R3HDM4: variants seen among roughly 807,000 people sequenced by gnomAD.
R3HDM4 encodes R3H domain-containing protein 4.
In R3HDM4, 30 loss-of-function variants were observed where a neutral mutation model predicts 31.3. The observed-to-expected ratio is 0.96, with a 90% CI of 0.72 to 1.30. R3HDM4 has a LOEUF of 1.30. R3HDM4 is among the 50% of genes most tolerant of loss of function. The pLI is 0.00. For missense variants in R3HDM4, 444 were observed against 366.1 expected, an observed-to-expected ratio of 1.21 and a Z score of -1.74; for synonymous variants, 196 against 156.6, an observed-to-expected ratio of 1.25 and a Z score of -1.88.
chr19:902,211 G>T, intron 1 of R3HDM4, 81 bp from the exon 2 acceptor site: 1 of 1,520,596 alleles, frequency 6.6e-7, no homozygotes, highest in Non-Finnish European at 9.0e-7. Context: ...GCCATGGCCC[G>T]CTTGGTTTCC....
At chr19:911,694 C>G (rs1295536447) in intron 1 of R3HDM4, among the ~76,000 whole-genome samples, 1 of 152,192 alleles carries the variant, frequency 6.6e-6, no homozygotes, top group Non-Finnish European at 1.5e-5. Context: ...CCTCCTCGCC[C>G]TCCACCAACA....
chr19:905,340 A>G (rs1399470918), intron 1 of R3HDM4, among the ~76,000 whole-genome samples: 6 of 151,790 alleles, frequency 4.0e-5, no homozygotes, highest in Non-Finnish European at 8.8e-5. Flanking sequence ...TTTAGTCTCT[A>G]CTAAAAATAC....
At chr19:905,684 C>CAAAAAA (rs35211343) in intron 1 of R3HDM4, among the ~76,000 whole-genome samples, 1 of 66,316 alleles carries the variant, frequency 1.5e-5, no homozygotes. Flanking sequence ...GACTCTGTCT[C>CAAAAAA]AAAAAAAAAA....
At chr19:898,273 CG>C (rs2036768984) in intron 7 of R3HDM4, among the ~76,000 whole-genome samples, 1 of 149,520 alleles carries the variant, frequency 6.7e-6, no homozygotes, top group African/African-American at 2.4e-5. Flanking sequence ...GGCGTGGTGG[CG>C]GGCACCTGTA....
chr19:908,972 A>G (rs1175296217), intron 1 of R3HDM4, among the ~76,000 whole-genome samples: 1 of 152,208 alleles, frequency 6.6e-6, no homozygotes, highest in Admixed American at 6.5e-5. Flanking sequence ...ATGAAGAACT[A>G]AACTTCTGTT....
intron 7 of R3HDM4, among the ~76,000 whole-genome samples, chr19:898,226 A>G (rs2036766910): frequency 7.8e-6 from 1 of 128,312 alleles, no homozygotes; most frequent in East Asian, 2.1e-4. Flanking sequence ...TACTAAAAAA[A>G]AAAATATATA....
intron 1 of R3HDM4, among the ~76,000 whole-genome samples, chr19:908,496 G>C (rs968567440): frequency 2.0e-5 from 3 of 151,936 alleles, no homozygotes; most frequent in Non-Finnish European, 4.4e-5. Flanking sequence ...TGTGGTCCCA[G>C]CTACTCAGGA....
rs975908517 is a variant in R3HDM4 at position 907,965 on chromosome 19, C to CG, written c.71+5121dup. On this transcript the variant is annotated intron_variant, in intron 1 of 7. Transcript: ENST00000361574. This position sits in a 1 kb window ranked among gnomAD's most constrained non-coding sequence, Gnocchi z 4.1. ...ATCCCAGCACTTTGGGAGGCCGAGG[C>CG]GGGCGGATCATGAGGTCAAGAGATG... 2.0e-5 allele frequency among the ~76,000 whole-genome samples: 3 copies of CG among 152,110 alleles called. No homozygotes were observed. The highest frequency in any genetic ancestry group is 7.2e-5 in the African/African-American group (3 of 41,426).
chr19:898,219 T>TAAA (rs546504389), intron 7 of R3HDM4, among the ~76,000 whole-genome samples: 15,055 of 135,746 alleles, frequency 0.11, 1,030 homozygotes, highest in Middle Eastern at 0.22. Context: ...CTGTCTCTAC[T>TAAA]AAAAAAAAAA....
chr19:909,603 C>A (rs554826214), intron 1 of R3HDM4, among the ~76,000 whole-genome samples: 48 of 152,000 alleles, frequency 3.2e-4, no homozygotes, highest in African/African-American at 1.1e-3. Context: ...TGAGACCAGC[C>A]TGACCAACAT....
Position 899,152 on chromosome 19 carries a change from G to A in R3HDM4, c.703+288C>T, listed in dbSNP as rs1288938758. ...GCTCTGGGAGGTCCCTCAAATCCAG[G>A]CTTCATCACCCCCACCCCGGGCCCC... On this transcript the variant is annotated intron_variant, in intron 7 of 7. Transcript: ENST00000361574. The surrounding 1 kb of genome is among the most constrained non-coding windows in gnomAD (Gnocchi z 6.8). Among the ~76,000 whole-genome samples, 4 of 152,002 alleles carry A rather than the reference G, an allele frequency of 2.6e-5. No individual in the cohort carries two copies. The highest frequency in any genetic ancestry group is 2.6e-4 in the Admixed American group (4 of 15,262).
At chr19:901,860 G>T in intron 2 of R3HDM4, 116 bp downstream of exon 2, 1 of 1,140,958 alleles carries the variant, frequency 8.8e-7, no homozygotes, top group Non-Finnish European at 1.2e-6. Context: ...ACACCTCTTT[G>T]GGTCCCCAGC....
chr19:913,177 C>G lies in R3HDM4; in HGVS notation c.-20G>C. The G allele has an allele frequency of 9.4e-7, 1 of 1,060,694 alleles. No individual in the cohort carries two copies. The highest frequency in any genetic ancestry group is 7.4e-5 in the East Asian group (1 of 13,532). 65.7% of individuals were successfully genotyped at this position (1,060,694 alleles called of 1,614,324 possible). Reference sequence around the variant, plus strand: ...GACCATGGCTCGCACGCTGTCGCCGCCGCCGCCGCCCGGCAGGGCCTTCAC... The same window carrying G: ...GACCATGGCTCGCACGCTGTCGCCGGCGCCGCCGCCCGGCAGGGCCTTCAC... On this transcript the variant is annotated 5_prime_UTR_variant, in exon 1 of 8. Transcript: ENST00000361574. The surrounding 1 kb of genome is among the most constrained non-coding windows in gnomAD (Gnocchi z 5.0).
chr19:901,878 A>C, intron 2 of R3HDM4, 98 bp downstream of exon 2: 1 of 1,341,244 alleles, frequency 7.5e-7, no homozygotes, highest in Non-Finnish European at 1.0e-6. Context: ...AGCCCCACCC[A>C]GGCACAGCTC....
Position 907,105 on chromosome 19 carries a change from A to C in R3HDM4, c.72-4975T>G, listed in dbSNP as rs914983634. On this transcript the variant is annotated intron_variant, in intron 1 of 7. Coordinates refer to ENST00000361574, the MANE Select transcript of R3HDM4 (RefSeq NM_138774.4). The surrounding 1 kb of genome is among the most constrained non-coding windows in gnomAD (Gnocchi z 4.1). ...GCTGGGATTACAGGCATGAGCTACCACGCCCGGCCCTCATTATACAGATTT... is the reference window on the plus strand; with the variant it reads ...GCTGGGATTACAGGCATGAGCTACCCCGCCCGGCCCTCATTATACAGATTT... Among the ~76,000 whole-genome samples, 1 of 152,026 alleles carries C rather than the reference A, an allele frequency of 6.6e-6. No individual in the cohort carries two copies. The highest frequency in any genetic ancestry group is 2.4e-5 in the African/African-American group (1 of 41,386).
Position 897,474 on chromosome 19 carries a change from C to T in R3HDM4, c.770G>A (p.Gly257Glu), listed in dbSNP as rs771636045. Reference protein sequence around the residue: ...SNRHLDFLPPGLLLSAYLEQH... With the variant: ...SNRHLDFLPPELLLSAYLEQH... Reference sequence around the variant, plus strand: ...CTCCAGGTAGGCGGACAGGAGCAGCCCCGGCGGCAGGAAATCCAGGTGCCG... The same window carrying T: ...CTCCAGGTAGGCGGACAGGAGCAGCTCCGGCGGCAGGAAATCCAGGTGCCG... Residue 257 changes from glycine (G) to glutamate (E), a missense_variant, in exon 8 of 8, where the codon GGG (glycine) becomes GAG (glutamate). Transcript: ENST00000361574. The T allele has an allele frequency of 7.4e-6, 12 of 1,612,456 alleles. No homozygotes were observed. Among genetic ancestry groups the T allele is most frequent in the Non-Finnish European group, 1.0e-5 (12 of 1,179,626 alleles).
rs1182580392 is a variant in R3HDM4, at chr19:913,174, C to T, written c.-17G>A. 47 of 1,053,394 alleles carry T rather than the reference C, an allele frequency of 4.5e-5. 1 individual carries two copies. The highest frequency in any genetic ancestry group is 4.7e-5 in the Non-Finnish European group (41 of 876,204). 65.3% of individuals were successfully genotyped at this position (1,053,394 alleles called of 1,614,324 possible). ...CGCGACCATGGCTCGCACGCTGTCG[C>T]CGCCGCCGCCGCCCGGCAGGGCCTT... is the stretch of plus-strand genomic sequence containing the variant. On this transcript the variant is annotated 5_prime_UTR_variant, in exon 1 of 8. Transcript: ENST00000361574. This position sits in a 1 kb window ranked among gnomAD's most constrained non-coding sequence, Gnocchi z 5.0.
chr19:903,766 A>G (rs1307442166), intron 1 of R3HDM4, among the ~76,000 whole-genome samples: 1 of 152,032 alleles, frequency 6.6e-6, no homozygotes, highest in African/African-American at 2.4e-5. Context: ...CTCAAAACAA[A>G]CAGGACGGGC....
chr19:902,432 A>C, intron 1 of R3HDM4: 1 of 269,326 alleles, frequency 3.7e-6, no homozygotes, highest in Non-Finnish European at 7.0e-6. Flanking sequence ...CAACATAGCA[A>C]GACTATGAAA....
Sources: gnomAD v4.1 joint callset for allele counts (sites outside exome capture counted in the v4.1 genomes callset) on GRCh38, gnomAD v4.1.1 for gene constraint, Gnocchi (gnomAD v3.1) non-coding constraint, MANE v1.5 for transcripts, NCBI Gene and HGNC (gene_info 2026-07-23, HGNC 2026-07-21) for gene names.